CRACD: variants seen among roughly 807,000 people sequenced by gnomAD.
CRACD encodes capping protein-inhibiting regulator of actin dynamics.
A neutral mutation model predicts 106.8 loss-of-function variants in CRACD; 56 were observed. The ratio of observed to expected loss-of-function variants is 0.52; its 90% CI spans 0.42 to 0.66. The LOEUF (loss-of-function observed/expected upper bound fraction) is 0.66, where lower values mean the gene tolerates loss of function less well. Among genes scored for constraint, CRACD ranks in the 30% least tolerant of loss-of-function variants. The pLI, the probability that CRACD is intolerant of heterozygous loss-of-function variation, is 0.00. For synonymous variants in CRACD, 754 were observed against 670.8 expected, an observed-to-expected ratio of 1.12 and a Z score of -1.92; for missense variants, 1,730 against 1,623.2, an observed-to-expected ratio of 1.07 and a Z score of -1.13.
chr4:56,214,873 G>A (rs1188986237), intron 2 of CRACD, among the ~76,000 whole-genome samples: 1 of 151,034 alleles, frequency 6.6e-6, no homozygotes, highest in East Asian at 2.0e-4. Context: ...TTGGTTGGGT[G>A]TGGTGGTGTG....
rs74848985 is a variant in CRACD at position 56,318,782 on chromosome 4, C to T, written c.3187+2093C>T. Among the ~76,000 whole-genome samples the T allele has an allele frequency of 2.6e-5, 4 of 152,190 alleles. No homozygotes were observed. In the East Asian group the frequency reaches 5.8e-4, roughly 22 times the overall value. ...GCCAAATTTGTCTGACTGAACACCC[C>T]ATCAGGATAAAAATGTTAGGCAAGG... On this transcript the variant is annotated intron_variant, in intron 8 of 10. Transcript: ENST00000682029.
chr4:56,316,300 ACCCTGGGCCT>A lies in CRACD; in HGVS notation c.2801_2810del (p.Pro934HisfsTer44). ...AGCAGCCGCTCTGTTCCTGTGGCCC[ACCCTGGGCCT>A]CCACCGGCCAGCAGCCAGACCCCGG... is the stretch of plus-strand genomic sequence containing the variant. On this transcript the variant is annotated frameshift_variant, in exon 8 of 11. Coordinates refer to ENST00000682029, the MANE Select transcript of CRACD (RefSeq NM_001393381.1). LOFTEE classifies it high-confidence loss of function. The A allele has an allele frequency of 6.2e-7, 1 of 1,613,784 alleles. No homozygotes were observed. The highest frequency in any genetic ancestry group is 8.5e-7 in the Non-Finnish European group (1 of 1,179,850).
rs987643708 is a variant in CRACD, at chr4:56,255,502, C to T, written c.-188-16819C>T. ...TCTTTAAAAAAAAAAAATCAGTTAG[C>T]TTGTTTTTAAAAGAAATCAGTGTCA... On this transcript the variant is annotated intron_variant, in intron 2 of 10. Coordinates refer to ENST00000682029, the MANE Select transcript of CRACD (RefSeq NM_001393381.1). Among the ~76,000 whole-genome samples the T allele has an allele frequency of 2.3e-4, 35 of 152,000 alleles. 1 individual carries two copies. Among genetic ancestry groups the T allele is most frequent in the Admixed American group, 2.0e-3 (30 of 15,248 alleles).
At chr4:56,284,910 T>C (rs1743250206) in intron 3 of CRACD, among the ~76,000 whole-genome samples, 1 of 151,986 alleles carries the variant, frequency 6.6e-6, no homozygotes, top group Admixed American at 6.5e-5. Context: ...GCTGATAAGG[T>C]TTGAGCTGGA....
intron 2 of CRACD, among the ~76,000 whole-genome samples, chr4:56,242,203 CCTT>C (rs969412447): frequency 2.6e-5 from 4 of 152,066 alleles, no homozygotes; most frequent in Non-Finnish European, 2.9e-5. Flanking sequence ...TGCCAATAAA[CCTT>C]CTAAAAATCA....
chr4:56,147,525 T>C (rs1363733458), intron 1 of CRACD, among the ~76,000 whole-genome samples: 4 of 152,192 alleles, frequency 2.6e-5, no homozygotes, highest in Admixed American at 2.0e-4. Flanking sequence ...GATCATATAA[T>C]ATGTGACCTT....
chr4:56,160,477 C>A (rs1435583716), intron 1 of CRACD, among the ~76,000 whole-genome samples: 1 of 152,140 alleles, frequency 6.6e-6, no homozygotes, highest in Non-Finnish European at 1.5e-5. Flanking sequence ...AGCCACCGTG[C>A]CTGGCCACTA....
chr4:56,067,125 G>A (rs1028607769), intron 1 of CRACD, among the ~76,000 whole-genome samples: 2 of 152,066 alleles, frequency 1.3e-5, no homozygotes, highest in African/African-American at 4.8e-5. Flanking sequence ...GGAAAGAATG[G>A]AAGTCTTCTT....
intron 1 of CRACD, among the ~76,000 whole-genome samples, chr4:56,111,835 T>G (rs1734133418): frequency 6.6e-6 from 1 of 152,212 alleles, no homozygotes; most frequent in Non-Finnish European, 1.5e-5. Flanking sequence ...TTTGAAATAT[T>G]AAATTCACCC....
chr4:56,258,086 AAAAAAAG>A (rs1467821571), intron 2 of CRACD, among the ~76,000 whole-genome samples: 5 of 151,272 alleles, frequency 3.3e-5, no homozygotes, highest in African/African-American at 7.4e-5. Context: ...AAAACAAAAA[AAAAAAAG>A]AAAAAAGAAA....
At chr4:56,076,956 C>T (rs1377281473) in intron 1 of CRACD, among the ~76,000 whole-genome samples, 2 of 152,130 alleles carry the variant, frequency 1.3e-5, no homozygotes, top group Non-Finnish European at 2.9e-5. Flanking sequence ...ACTCTACATG[C>T]TGCTTCTTAA....
rs1461783709 is a variant in CRACD, at chr4:56,223,195, CT to C, written c.-189+43766del. Among the ~76,000 whole-genome samples, 3 of 149,218 alleles carry C rather than the reference CT, an allele frequency of 2.0e-5. No homozygotes were observed. The East Asian group carries it at 5.8e-4, about 29-fold the overall frequency. On this transcript the variant is annotated intron_variant, in intron 2 of 10. Transcript: ENST00000682029. Reference sequence around the variant, plus strand: ...ATCTCTTTTTAAACCACAGGTTCATCTCTTTTTCGTTTTTCTTGATTCTTTT... The same window carrying C: ...ATCTCTTTTTAAACCACAGGTTCATCCTTTTTCGTTTTTCTTGATTCTTTT...
intron 2 of CRACD, among the ~76,000 whole-genome samples, chr4:56,192,165 G>C (rs1302607128): frequency 1.3e-5 from 2 of 152,142 alleles, no homozygotes; most frequent in Non-Finnish European, 2.9e-5. Context: ...GCCGAGGCGG[G>C]AGGATCACCT....
intron 5 of CRACD, chr4:56,308,678 C>G: frequency 6.1e-6 from 5 of 825,324 alleles, no homozygotes; most frequent in Non-Finnish European, 7.3e-6. Flanking sequence ...CATTCCTCCC[C>G]TGTTGCCCAT....
At chr4:56,253,406 A>G (rs940540782) in intron 2 of CRACD, among the ~76,000 whole-genome samples, 2 of 152,220 alleles carry the variant, frequency 1.3e-5, no homozygotes, top group Non-Finnish European at 2.9e-5. Flanking sequence ...GACCCTCGAT[A>G]GTTCAGTCAC....
At chr4:56,233,313 A>G (rs1368267487) in intron 2 of CRACD, among the ~76,000 whole-genome samples, 4 of 152,012 alleles carry the variant, frequency 2.6e-5, no homozygotes, top group South Asian at 2.1e-4. Context: ...GGGCCTTGCT[A>G]TATTTCCCAG....
At chr4:56,129,824 A>G (rs1266923545) in intron 1 of CRACD, among the ~76,000 whole-genome samples, 2 of 152,246 alleles carry the variant, frequency 1.3e-5, no homozygotes, top group Admixed American at 6.5e-5. Flanking sequence ...AGCACAAAGA[A>G]AAAATGTGAC....
intron 3 of CRACD, among the ~76,000 whole-genome samples, chr4:56,296,217 C>G (rs1429032768): frequency 1.3e-5 from 2 of 152,100 alleles, no homozygotes; most frequent in African/African-American, 4.8e-5. Context: ...GTTTCTCACT[C>G]TACTCCTTCA....
intron 8 of CRACD, chr4:56,320,954 T>C: frequency 5.3e-6 from 1 of 189,904 alleles, no homozygotes. Context: ...CAGATCTGAA[T>C]TCCACATTGT....
Sources: gnomAD v4.1 joint callset for allele counts (sites outside exome capture counted in the v4.1 genomes callset) on GRCh38, gnomAD v4.1.1 for gene constraint, MANE v1.5 for transcripts, NCBI Gene and HGNC (gene_info 2026-07-23, HGNC 2026-07-21) for gene names.